The following CCDC85A variants were observed in gnomAD, a reference collection of about 807,000 sequenced individuals.
CCDC85A encodes the protein coiled-coil domain-containing protein 85A.
CCDC85A carries 38 observed loss-of-function variants against 50.2 expected under a neutral mutation model. That is an observed-to-expected ratio of 0.76 (90% CI 0.58 to 0.99). The LOEUF is 0.99. Ranked by LOEUF, CCDC85A falls within the 50% of genes least tolerant of loss-of-function variation. The probability of loss-of-function intolerance (pLI) is 0.00; values close to 1 mark genes in which losing one functional copy is unlikely to be tolerated. For missense variants in CCDC85A, 820 were observed against 742.0 expected (o/e 1.11, Z -1.22); for synonymous variants, 366 against 301.4 (o/e 1.21, Z -2.22).
chr2:56,340,045 G>A (rs1674279436), intron 2 of CCDC85A, among the ~76,000 whole-genome samples: 1 of 152,092 alleles, frequency 6.6e-6, no homozygotes, highest in Non-Finnish European at 1.5e-5. Flanking sequence ...AAAGCTAATT[G>A]TCTCCAATGG....
At chr2:56,206,461 T>A (rs1349679065) in intron 2 of CCDC85A, among the ~76,000 whole-genome samples, 1 of 152,146 alleles carries the variant, frequency 6.6e-6, no homozygotes, top group Non-Finnish European at 1.5e-5. Context: ...GGTAAGTCCA[T>A]GAGCATGACA....
intron 2 of CCDC85A, among the ~76,000 whole-genome samples, chr2:56,329,005 G>A (rs921772136): frequency 6.6e-6 from 1 of 152,126 alleles, no homozygotes; most frequent in Non-Finnish European, 1.5e-5. Flanking sequence ...GGCTCCTCCT[G>A]CAAGCAGTAC....
intron 2 of CCDC85A, among the ~76,000 whole-genome samples, chr2:56,264,733 T>A (rs1250463886): frequency 6.6e-6 from 1 of 152,204 alleles, no homozygotes; most frequent in African/African-American, 2.4e-5. Context: ...GCAGAATTTC[T>A]TGTAGGACTT....
At chr2:56,328,996 G>A (rs1284295235) in intron 2 of CCDC85A, among the ~76,000 whole-genome samples, 1 of 152,094 alleles carries the variant, frequency 6.6e-6, no homozygotes, top group African/African-American at 2.4e-5. Flanking sequence ...TCCTCAGTGG[G>A]CTCCTCCTGC....
intron 2 of CCDC85A, among the ~76,000 whole-genome samples, chr2:56,294,234 C>A (rs1399000124): frequency 6.6e-6 from 1 of 152,042 alleles, no homozygotes; most frequent in Non-Finnish European, 1.5e-5. Context: ...GGGAGCTGAA[C>A]AATGAGAACA....
rs995471736 is a variant in CCDC85A at position 56,372,325 on chromosome 2, A to G, written c.1318-19A>G. 2 of 1,550,208 alleles carry G rather than the reference A, an allele frequency of 1.3e-6. No individual in the cohort carries two copies. The highest frequency in any genetic ancestry group is 1.7e-6 in the Non-Finnish European group (2 of 1,146,340). Reference sequence around the variant, plus strand: ...CAGTATTTTTCTGAGTGATTGTACCATATTGTTCCAAATATAAGGCCAGCC... The same window carrying G: ...CAGTATTTTTCTGAGTGATTGTACCGTATTGTTCCAAATATAAGGCCAGCC... On this transcript the variant is annotated intron_variant, in intron 3 of 5. Transcript: ENST00000407595.
intron 2 of CCDC85A, among the ~76,000 whole-genome samples, chr2:56,241,981 G>A (rs558479450): frequency 1.3e-5 from 2 of 152,114 alleles, no homozygotes; most frequent in South Asian, 4.2e-4. Flanking sequence ...CCACATACTT[G>A]CCAGCCTTTG....
At chr2:56,249,049 G>A (rs1669634275) in intron 2 of CCDC85A, among the ~76,000 whole-genome samples, 2 of 152,212 alleles carry the variant, frequency 1.3e-5, no homozygotes, top group Admixed American at 6.5e-5. Context: ...GACAATGGAG[G>A]GAGGAAGTCC....
chr2:56,358,945 C>T (rs1417524779), intron 3 of CCDC85A, among the ~76,000 whole-genome samples: 9 of 62,944 alleles, frequency 1.4e-4, no homozygotes, highest in East Asian at 8.6e-4. Flanking sequence ...CCACCATGCC[C>T]GGCTAATTTT....
At chr2:56,247,129 A>G (rs1558604116) in intron 2 of CCDC85A, among the ~76,000 whole-genome samples, 1 of 152,182 alleles carries the variant, frequency 6.6e-6, no homozygotes, top group Non-Finnish European at 1.5e-5. Context: ...CCCAGGAACC[A>G]AGACTGTCCT....
chr2:56,277,508 G>A (rs563346010), intron 2 of CCDC85A, among the ~76,000 whole-genome samples: 2 of 152,250 alleles, frequency 1.3e-5, no homozygotes, highest in African/African-American at 4.8e-5. Context: ...AGACATGGAA[G>A]CATTAAAAAA....
At chr2:56,202,033 G>T (rs1417731864) in intron 2 of CCDC85A, among the ~76,000 whole-genome samples, 3 of 152,150 alleles carry the variant, frequency 2.0e-5, no homozygotes, top group Non-Finnish European at 1.5e-5. Flanking sequence ...TATTCTTCTA[G>T]ACATAGAGGC....
At chr2:56,352,503 G>A (rs1035133710) in intron 3 of CCDC85A, among the ~76,000 whole-genome samples, 9 of 151,910 alleles carry the variant, frequency 5.9e-5, no homozygotes, top group Admixed American at 2.0e-4. Context: ...GCGCCACCAC[G>A]CCCAGCTAAT....
At chr2:56,196,492 G>A (rs192304254) in intron 2 of CCDC85A, among the ~76,000 whole-genome samples, 57 of 152,304 alleles carry the variant, frequency 3.7e-4, no homozygotes, top group African/African-American at 1.3e-3. Context: ...TCACTTACTT[G>A]ATTCCATTGA....
chr2:56,382,996 T>TTCCTATAGACTTTCCTAAG (rs1676663019), intron 5 of CCDC85A, among the ~76,000 whole-genome samples: 1 of 151,992 alleles, frequency 6.6e-6, no homozygotes, highest in African/African-American at 2.4e-5. Flanking sequence ...TTCCTAAGTC[T>TTCCTATAGACTTTCCTAAG]CTTGTGTATA....
At chr2:56,371,004 T>C (rs1049072017) in intron 3 of CCDC85A, among the ~76,000 whole-genome samples, 1 of 152,082 alleles carries the variant, frequency 6.6e-6, no homozygotes, top group African/African-American at 2.4e-5. Flanking sequence ...GAGGTGAGTA[T>C]TAAGCTGTGA....
chr2:56,335,220 CTT>C (rs1674012397), intron 2 of CCDC85A, among the ~76,000 whole-genome samples: 1 of 152,096 alleles, frequency 6.6e-6, no homozygotes, highest in Non-Finnish European at 1.5e-5. Context: ...AAGAAAAACA[CTT>C]TGTTCAGAAC....
Position 56,193,283 on chromosome 2 carries a change from C to A in CCDC85A, c.1083C>A (p.His361Gln). 2 of 1,613,894 alleles carry A rather than the reference C, an allele frequency of 1.2e-6. No homozygotes were observed. Among genetic ancestry groups the A allele is most frequent in the Non-Finnish European group, 1.7e-6 (2 of 1,179,860 alleles). Residue 361 changes from histidine to glutamine, a missense_variant, in exon 2 of 6, where the codon CAC becomes CAA. His to Gln is a conservative substitution (Grantham distance 24). Coordinates refer to ENST00000407595, the MANE Select transcript of CCDC85A (RefSeq NM_001080433.2). Reference protein sequence around the residue: ...LPRARGTSPEHLKQHYGGSPD... With the variant: ...LPRARGTSPEQLKQHYGGSPD... ...GAGCCAGGGGCACCAGCCCGGAGCA[C>A]CTCAAACAACATTATGGAGGGAGCC...
chr2:56,307,850 T>G (rs1273067976), intron 2 of CCDC85A, among the ~76,000 whole-genome samples: 2 of 152,196 alleles, frequency 1.3e-5, no homozygotes, highest in East Asian at 3.9e-4. Flanking sequence ...AACTCATAGA[T>G]AGGACTGAGT....
Sources: gnomAD v4.1 joint callset for allele counts (sites outside exome capture counted in the v4.1 genomes callset) on GRCh38, gnomAD v4.1.1 for gene constraint, MANE v1.5 for transcripts, NCBI Gene and HGNC (gene_info 2026-07-23, HGNC 2026-07-21) for gene names.